Variants in NDRG1 observed in about 807,000 individuals in gnomAD.
NDRG1 encodes the protein protein NDRG1.
A neutral mutation model predicts 56.9 loss-of-function variants in NDRG1; 32 were observed. The observed-to-expected ratio is 0.56, with a 90% CI of 0.42 to 0.76. The LOEUF (loss-of-function observed/expected upper bound fraction) is 0.76. Ranked by LOEUF, NDRG1 falls within the 30% of genes least tolerant of loss-of-function variation. The pLI is 0.00. For synonymous variants in NDRG1, 211 were observed against 204.1 expected, an observed-to-expected ratio of 1.03 and a Z score of -0.29; for missense variants, 507 against 545.7, an observed-to-expected ratio of 0.93 and a Z score of 0.71.
intron 8 of NDRG1, chr8:133,254,923 G>A: frequency 2.6e-6 from 1 of 388,860 alleles, no homozygotes; most frequent in South Asian, 2.5e-5. Context: ...TCAGCAAAGA[G>A]GGCCATCCAT....
In NDRG1 at chr8:133,238,797, C is replaced by A; in HGVS notation, c.*81G>T. 2 of 1,449,460 alleles carry A rather than the reference C, an allele frequency of 1.4e-6. No homozygotes were observed. Among genetic ancestry groups the A allele is most frequent in the Non-Finnish European group, 1.8e-6 (2 of 1,083,298 alleles). The allele number at this position is 1,449,460 out of a possible 1,614,324, so 89.8% of individuals were successfully genotyped here. ...TAATACCGAGTTAGGCGCAGTATGG[C>A]AGGCAGGGGGCGAAAAGGGGCCGGG... is the stretch of plus-strand genomic sequence containing the variant. On this transcript the variant is annotated 3_prime_UTR_variant, in exon 16 of 16. Transcript: ENST00000323851.
chr8:133,255,807 C>T (rs757347407), intron 8 of NDRG1: 20 of 162,936 alleles, frequency 1.2e-4, no homozygotes, highest in Non-Finnish European at 1.7e-4. Flanking sequence ...TGAGAAGCTG[C>T]GATCACCTCA....
intron 2 of NDRG1, among the ~76,000 whole-genome samples, 158 bp from the exon 3 acceptor site, chr8:133,280,425 CTT>C (rs34104549): frequency 1.2e-4 from 16 of 138,218 alleles, no homozygotes; most frequent in Admixed American, 7.4e-5. Flanking sequence ...TTCCTTTTCT[CTT>C]TTTTTTTTTT....
intron 1 of NDRG1, among the ~76,000 whole-genome samples, chr8:133,291,664 A>C (rs146060096): frequency 2.6e-5 from 4 of 152,322 alleles, no homozygotes; most frequent in African/African-American, 9.6e-5. Context: ...AGAATCAAGG[A>C]AACAGTACAA....
At chr8:133,267,597 C>T (rs997100991) in intron 3 of NDRG1, among the ~76,000 whole-genome samples, 5 of 152,214 alleles carry the variant, frequency 3.3e-5, no homozygotes, top group African/African-American at 1.2e-4. Context: ...ATCTGCTGGG[C>T]CCAGCCCAGC....
intron 10 of NDRG1, among the ~76,000 whole-genome samples, chr8:133,250,105 TA>T (rs1204074535): frequency 6.6e-6 from 1 of 152,240 alleles, no homozygotes; most frequent in Non-Finnish European, 1.5e-5. Flanking sequence ...CTCTCTCACT[TA>T]GCTCTTCTTA....
intron 1 of NDRG1, among the ~76,000 whole-genome samples, chr8:133,291,405 T>C (rs955440587): frequency 5.3e-5 from 8 of 152,216 alleles, no homozygotes; most frequent in African/African-American, 1.9e-4. Flanking sequence ...CCTGCCTTAC[T>C]GTGGATACAA....
chr8:133,293,964 T>C (rs1193283403), intron 1 of NDRG1, among the ~76,000 whole-genome samples: 1 of 152,204 alleles, frequency 6.6e-6, no homozygotes, highest in Non-Finnish European at 1.5e-5. Context: ...AGAAGATGCC[T>C]TGAGAATGTC....
Position 133,239,126 on chromosome 8 carries a change from G to C in NDRG1, c.944-7C>G. The stretch of plus-strand genomic sequence containing the variant: ...GTCATGCTAGCCGAGGGCACTAGGG[G>C]AACAAGAGACAGCCGGTTAGAGGGC... On this transcript the variant is annotated splice_region_variant and splice_polypyrimidine_tract_variant and intron_variant, in intron 15 of 15. Coordinates refer to ENST00000323851, the MANE Select transcript of NDRG1 (RefSeq NM_006096.4). 6.4e-7 allele frequency: 1 copy of C among 1,553,506 alleles called. No individual in the cohort carries two copies. Among genetic ancestry groups the C allele is most frequent in the Non-Finnish European group, 8.7e-7 (1 of 1,148,124 alleles).
At position 133,238,728 on chromosome 8, in the gene NDRG1, A is replaced by G. The variant is rs1304097023; in HGVS notation, c.*150T>C. 4 of 1,004,136 alleles carry G rather than the reference A, an allele frequency of 4.0e-6. No individual in the cohort carries two copies. Among genetic ancestry groups the G allele is most frequent in the Non-Finnish European group, 5.7e-6 (4 of 704,988 alleles). 62.2% of individuals were successfully genotyped at this position (1,004,136 alleles called of 1,614,324 possible). A position where few individuals can be genotyped will look rare whatever the true frequency, so the allele number is the denominator to read the frequency against. On this transcript the variant is annotated 3_prime_UTR_variant, in exon 16 of 16. Coordinates refer to ENST00000323851, the MANE Select transcript of NDRG1 (RefSeq NM_006096.4). ...AGAGGGCACCCACGTAATAGACCTC[A>G]TTTGTCTCCACCAGAGCTCACTCTT...
At chr8:133,281,911 A>T (rs1050575795) in intron 2 of NDRG1, among the ~76,000 whole-genome samples, 1 of 152,218 alleles carries the variant, frequency 6.6e-6, no homozygotes, top group Non-Finnish European at 1.5e-5. Flanking sequence ...TCTGTACAGC[A>T]AACACCAACC....
chr8:133,255,540 T>C, intron 8 of NDRG1: 1 of 345,290 alleles, frequency 2.9e-6, no homozygotes, highest in Non-Finnish European at 5.8e-6. Flanking sequence ...TCAGGACAGC[T>C]ATCATGAAGC....
chr8:133,239,048 C>T lies in NDRG1; in HGVS notation c.1015G>A (p.Gly339Ser), dbSNP rs1855231821. 1.3e-6 allele frequency: 2 copies of T among 1,594,138 alleles called. No homozygotes were observed. Among genetic ancestry groups the T allele is most frequent in the Admixed American group, 1.8e-5 (1 of 56,206 alleles). The change falls in exon 16 of 16, where the codon GGC becomes AGC. Residue 339 changes from glycine to serine, a missense_variant. By Grantham distance (56) the Gly-to-Ser change is moderately conservative (BLOSUM62 0). Coordinates refer to ENST00000323851, the MANE Select transcript of NDRG1 (RefSeq NM_006096.4). ...ASGSSVTSLD[G>S]TRSRSHTSEG... The stretch of plus-strand genomic sequence containing the variant: ...CTGGTGTGGGAGCGGCTGCGGGTGC[C>T]ATCCAGAGAAGTGACGCTGGAACCA...
intron 7 of NDRG1, among the ~76,000 whole-genome samples, chr8:133,257,372 T>A (rs1213768499): frequency 1.3e-5 from 2 of 151,144 alleles, no homozygotes; most frequent in African/African-American, 4.9e-5. Context: ...TCTGAGAAAA[T>A]TCATCATTAG....
At chr8:133,262,219 A>G in intron 4 of NDRG1, 52 bp from the exon 5 acceptor site, 1 of 1,608,430 alleles carries the variant, frequency 6.2e-7, no homozygotes, top group Admixed American at 1.7e-5. Context: ...TGAGAAAAAA[A>G]TTAGGTGTCT....
chr8:133,279,550 T>G (rs1303687889), intron 3 of NDRG1, among the ~76,000 whole-genome samples: 2 of 152,218 alleles, frequency 1.3e-5, no homozygotes, highest in Non-Finnish European at 2.9e-5. Flanking sequence ...CCTCTGGCTC[T>G]CTGGCTGGTC....
chr8:133,281,875 T>C (rs914285581), intron 2 of NDRG1, among the ~76,000 whole-genome samples: 2 of 152,238 alleles, frequency 1.3e-5, no homozygotes, highest in African/African-American at 2.4e-5. Context: ...GAGTGTGTAC[T>C]GGTGGGAAAG....
rs751561814 is a variant in NDRG1, at chr8:133,244,436, C to T, written c.856-46G>A. On this transcript the variant is annotated intron_variant, in intron 13 of 15. Transcript: ENST00000323851. ...TTAGTGCCAAACACCACAGCCAAGG[C>T]CCTCTGCGCTCTATGAATTTTTTCC... 87 of 1,612,396 alleles carry T rather than the reference C, an allele frequency of 5.4e-5. No individual in the cohort carries two copies. In the East Asian group the frequency reaches 1.6e-3, roughly 30 times the overall value.
chr8:133,280,508 C>T (rs556239418), intron 2 of NDRG1, among the ~76,000 whole-genome samples: 1 of 151,582 alleles, frequency 6.6e-6, no homozygotes, highest in Non-Finnish European at 1.5e-5. Context: ...ACTGCAAGCT[C>T]CGCCTCCCAG....
Sources: gnomAD v4.1 joint callset for allele counts (sites outside exome capture counted in the v4.1 genomes callset) on GRCh38, gnomAD v4.1.1 for gene constraint, MANE v1.5 for transcripts, NCBI Gene and HGNC (gene_info 2026-07-23, HGNC 2026-07-21) for gene names.